The following LINGO2 variants were observed in gnomAD, a reference collection of about 807,000 sequenced individuals.
LINGO2 encodes leucine rich repeat and Ig domain containing 2.
In LINGO2, 14 loss-of-function variants were observed where a neutral mutation model predicts 30.6. That is an observed-to-expected ratio of 0.46 (90% CI 0.30 to 0.72). LINGO2 has a LOEUF of 0.72. Among genes scored for constraint, LINGO2 ranks in the 30% least tolerant of loss-of-function variants. The pLI is 0.07. For missense variants in LINGO2, 729 were observed against 751.7 expected (o/e 0.97, Z 0.35); for synonymous variants, 317 against 288.5 (o/e 1.10, Z -1.00).
chr9:28,096,866 C>T (rs1010071132), intron 4 of LINGO2, among the ~76,000 whole-genome samples: 2 of 151,968 alleles, frequency 1.3e-5, no homozygotes, highest in African/African-American at 4.8e-5. Context: ...TGAAGTGAGG[C>T]GAATTTTTAA....
chr9:28,390,439 T>C (rs187292148), intron 2 of LINGO2, among the ~76,000 whole-genome samples: 1 of 152,246 alleles, frequency 6.6e-6, no homozygotes, highest in Admixed American at 6.5e-5. Context: ...ATTTATCAAG[T>C]CTGGAATAAA....
At chr9:29,196,872 T>C in the LINGO2 span, among the ~76,000 whole-genome samples, 1 of 152,042 alleles carries the variant, frequency 6.6e-6, no homozygotes, top group Non-Finnish European at 1.5e-5. Flanking sequence ...TTGCCTGGTA[T>C]TATAGTGCAT....
At chr9:28,741,609 T>C in the LINGO2 span, among the ~76,000 whole-genome samples, 1 of 151,898 alleles carries the variant, frequency 6.6e-6, no homozygotes, top group Non-Finnish European at 1.5e-5. Context: ...GGGGTCAGCC[T>C]GGTATAGGGT....
At chr9:28,451,749 C>A (rs1027008242) in intron 2 of LINGO2, among the ~76,000 whole-genome samples, 10 of 151,562 alleles carry the variant, frequency 6.6e-5, no homozygotes, top group African/African-American at 2.4e-4. Context: ...GGTGTTATAT[C>A]TGATATTATA....
exon 6 of LINGO2, chr9:27,949,340 C>G (rs754547326): frequency 6.2e-7 from 1 of 1,614,092 alleles, no homozygotes; most frequent in Non-Finnish European, 8.5e-7. Context: ...GGGGTGTCAC[C>G]CAGGAAATCA....
chr9:28,155,368 A>G (rs1014741904), intron 4 of LINGO2, among the ~76,000 whole-genome samples: 3 of 152,134 alleles, frequency 2.0e-5, no homozygotes, highest in Non-Finnish European at 4.4e-5. Flanking sequence ...TCATCTCTTT[A>G]AGGTCTGTTG....
chr9:28,768,601 T>C, the LINGO2 span, among the ~76,000 whole-genome samples: 2 of 140,194 alleles, frequency 1.4e-5, no homozygotes, highest in African/African-American at 5.4e-5. Context: ...ACCTGTTTAG[T>C]AGACAGACTG....
the LINGO2 span, among the ~76,000 whole-genome samples, chr9:28,744,983 C>T: frequency 6.6e-6 from 1 of 151,942 alleles, no homozygotes; most frequent in Non-Finnish European, 1.5e-5. Context: ...CCTAGGTCTA[C>T]ATAAGCCACT....
chr9:28,052,758 G>GT (rs1404173196), intron 4 of LINGO2, among the ~76,000 whole-genome samples: 3 of 152,080 alleles, frequency 2.0e-5, no homozygotes, highest in Non-Finnish European at 2.9e-5. Flanking sequence ...ATCAGATCTA[G>GT]TAAGTGGGAG....
chr9:28,206,567 A>T (rs190820340), intron 4 of LINGO2, among the ~76,000 whole-genome samples: 10 of 152,282 alleles, frequency 6.6e-5, no homozygotes, highest in Non-Finnish European at 1.2e-4. Context: ...TTTAATTTTT[A>T]TCTATGGTTT....
chr9:28,921,709 T>C, the LINGO2 span, among the ~76,000 whole-genome samples: 1 of 152,104 alleles, frequency 6.6e-6, no homozygotes, highest in South Asian at 2.1e-4. Context: ...GTAACTTCCA[T>C]TCATCCTTCC....
At chr9:28,283,243 C>G (rs1823390634) in intron 4 of LINGO2, among the ~76,000 whole-genome samples, 1 of 152,106 alleles carries the variant, frequency 6.6e-6, no homozygotes, top group South Asian at 2.1e-4. Context: ...CATTTACGTA[C>G]AAAATTATGC....
chr9:28,036,427 C>G (rs866653759), intron 4 of LINGO2, among the ~76,000 whole-genome samples: 2 of 152,214 alleles, frequency 1.3e-5, no homozygotes, highest in Middle Eastern at 6.8e-3. Context: ...CCTGGTTGGT[C>G]AAACCATGGT....
At chr9:28,430,611 A>G (rs1282510654) in intron 2 of LINGO2, among the ~76,000 whole-genome samples, 2 of 151,838 alleles carry the variant, frequency 1.3e-5, no homozygotes, top group African/African-American at 4.8e-5. Context: ...TTTTACCTAT[A>G]TTTTTCCTAT....
chr9:28,090,730 G>T (rs1826055498), intron 4 of LINGO2, among the ~76,000 whole-genome samples: 1 of 152,116 alleles, frequency 6.6e-6, no homozygotes, highest in African/African-American at 2.4e-5. Flanking sequence ...TTAGGGAGGA[G>T]AAAGAAATAA....
chr9:28,315,796 T>C (rs1824822724), intron 3 of LINGO2, among the ~76,000 whole-genome samples: 1 of 152,218 alleles, frequency 6.6e-6, no homozygotes, highest in African/African-American at 2.4e-5. Flanking sequence ...CTAATTTCTA[T>C]TTCATATATG....
chr9:28,579,850 G>A (rs1470684569), intron 1 of LINGO2, among the ~76,000 whole-genome samples: 1 of 152,078 alleles, frequency 6.6e-6, no homozygotes, highest in East Asian at 1.9e-4. Context: ...CAACAGTCAA[G>A]AATCACCATT....
At chr9:28,019,259 C>T (rs1214699375) in intron 4 of LINGO2, among the ~76,000 whole-genome samples, 1 of 149,236 alleles carries the variant, frequency 6.7e-6, no homozygotes, top group Non-Finnish European at 1.5e-5. Flanking sequence ...ACATATACTG[C>T]TGAACCTAAA....
chr9:27,983,942 T>A (rs1342391144), intron 5 of LINGO2, among the ~76,000 whole-genome samples: 1 of 151,856 alleles, frequency 6.6e-6, no homozygotes, highest in African/African-American at 2.4e-5. Context: ...ATGGGCGTGG[T>A]CTTGCACAGT....
Sources: gnomAD v4.1 joint callset for allele counts (sites outside exome capture counted in the v4.1 genomes callset) on GRCh38, gnomAD v4.1.1 for gene constraint, MANE v1.5 for transcripts, NCBI Gene and HGNC (gene_info 2026-07-23, HGNC 2026-07-21) for gene names.